Variants in PBX1 observed in about 807,000 individuals in gnomAD.
PBX1 encodes the protein PBX homeobox 1.
PBX1 carries 6 observed loss-of-function variants against 53.4 expected under a neutral mutation model. The observed-to-expected ratio is 0.11, with a 90% CI of 0.06 to 0.22. The LOEUF (loss-of-function observed/expected upper bound fraction) is 0.22, where lower values mean the gene tolerates loss of function less well. Ranked by LOEUF, PBX1 falls within the 10% of genes least tolerant of loss-of-function variation. PBX1 has a pLI of 1.00. For missense variants in PBX1, 251 were observed against 551.4 expected (o/e 0.46, Z 5.46); for synonymous variants, 204 against 212.3 (o/e 0.96, Z 0.34).
intron 2 of PBX1, among the ~76,000 whole-genome samples, chr1:164,566,128 TTA>T: frequency 1.3e-5 from 2 of 152,150 alleles, no homozygotes; most frequent in African/African-American, 2.4e-5. Flanking sequence ...CTAAGATGTA[TTA>T]CCAACCTTTT....
At chr1:164,677,931 T>C (rs1420304690) in intron 2 of PBX1, among the ~76,000 whole-genome samples, 1 of 152,180 alleles carries the variant, frequency 6.6e-6, no homozygotes, top group Non-Finnish European at 1.5e-5. Flanking sequence ...AATTCACATA[T>C]ATTTTGTTAA....
chr1:164,640,558 GT>G (rs1377884988), intron 2 of PBX1, among the ~76,000 whole-genome samples: 40 of 41,382 alleles, frequency 9.7e-4, no homozygotes, highest in African/African-American at 2.5e-3. Flanking sequence ...TTTTTTTTGT[GT>G]TTTTTTTTTT....
intron 2 of PBX1, among the ~76,000 whole-genome samples, chr1:164,693,864 C>T (rs1662646125): frequency 1.3e-5 from 2 of 152,152 alleles, no homozygotes; most frequent in Admixed American, 6.5e-5. Flanking sequence ...GCACCTTATG[C>T]CCAAGATTGC....
At chr1:164,775,407 A>G (rs1361066462) in intron 2 of PBX1, among the ~76,000 whole-genome samples, 1 of 152,176 alleles carries the variant, frequency 6.6e-6, no homozygotes, top group Non-Finnish European at 1.5e-5. Flanking sequence ...CAACAGCCAC[A>G]GATTGAAGAG....
At chr1:164,594,555 A>G (rs755130849) in intron 2 of PBX1, among the ~76,000 whole-genome samples, 15 of 152,220 alleles carry the variant, frequency 9.9e-5, no homozygotes, top group Non-Finnish European at 1.2e-4. Context: ...TGCTGGGATT[A>G]CAGGCATGAG....
intron 2 of PBX1, among the ~76,000 whole-genome samples, chr1:164,585,829 A>G (rs1398375184): frequency 2.6e-5 from 4 of 152,218 alleles, no homozygotes; most frequent in African/African-American, 9.6e-5. Flanking sequence ...CTTTACATCC[A>G]ATGTTCATGG....
chr1:164,831,043 C>A (rs1339908734), intron 8 of PBX1, among the ~76,000 whole-genome samples: 3 of 152,144 alleles, frequency 2.0e-5, no homozygotes, highest in Non-Finnish European at 1.5e-5. Context: ...ATGTTTTCAA[C>A]ATTTTATTTA....
At chr1:164,606,611 A>G (rs1222822484) in intron 2 of PBX1, among the ~76,000 whole-genome samples, 1 of 152,212 alleles carries the variant, frequency 6.6e-6, no homozygotes, top group Non-Finnish European at 1.5e-5. Flanking sequence ...ATGATATCTG[A>G]GAATCCGATG....
intron 4 of PBX1, among the ~76,000 whole-genome samples, chr1:164,807,087 T>C (rs1296299313): frequency 6.6e-6 from 1 of 152,004 alleles, no homozygotes; most frequent in African/African-American, 2.4e-5. Context: ...TGAAACCCCA[T>C]CTCTACTAAA....
At chr1:164,737,185 C>A (rs1475754475) in intron 2 of PBX1, among the ~76,000 whole-genome samples, 1 of 152,158 alleles carries the variant, frequency 6.6e-6, no homozygotes, top group Non-Finnish European at 1.5e-5. Context: ...CAAGTACAGG[C>A]CATGGACTGA....
At chr1:164,607,049 A>G (rs1656605284) in intron 2 of PBX1, among the ~76,000 whole-genome samples, 1 of 152,244 alleles carries the variant, frequency 6.6e-6, no homozygotes, top group East Asian at 1.9e-4. Flanking sequence ...AGAGCACCGC[A>G]TGGGCAAAGG....
chr1:164,696,472 C>T (rs186850224), intron 2 of PBX1, among the ~76,000 whole-genome samples: 21 of 152,236 alleles, frequency 1.4e-4, no homozygotes, highest in African/African-American at 3.9e-4. Context: ...TCATGTAACT[C>T]GGAAATAAGG....
Position 164,654,932 on chromosome 1 carries a change from G to A in PBX1, c.265+91621G>A, listed in dbSNP as rs144638137. On this transcript the variant is annotated intron_variant, in intron 2 of 8. Coordinates refer to ENST00000420696, the MANE Select transcript of PBX1 (RefSeq NM_002585.4). ...TGATGTGATCTGTATTATCACAGAG[G>A]GGAGCACAGCATGTGATGGGAATGG... Among the ~76,000 whole-genome samples the A allele has an allele frequency of 1.6e-3, 237 of 152,282 alleles. 4 individuals are homozygous for A. The East Asian group carries it at 0.026, about 17-fold the overall frequency.
intron 2 of PBX1, among the ~76,000 whole-genome samples, chr1:164,667,710 G>T (rs1376030134): frequency 1.3e-5 from 2 of 152,174 alleles, no homozygotes; most frequent in East Asian, 3.9e-4. Context: ...ATTTTGCCGA[G>T]ACAACGCATT....
At chr1:164,806,264 T>C (rs1669341369) in intron 4 of PBX1, among the ~76,000 whole-genome samples, 1 of 152,160 alleles carries the variant, frequency 6.6e-6, no homozygotes, top group Non-Finnish European at 1.5e-5. Context: ...TTAGTTCAAT[T>C]AGCACTTTTT....
intron 2 of PBX1, among the ~76,000 whole-genome samples, chr1:164,625,359 C>G (rs760663122): frequency 6.6e-6 from 1 of 152,156 alleles, no homozygotes; most frequent in Non-Finnish European, 1.5e-5. Context: ...CAATGAGGTA[C>G]ATTTGTATTT....
intron 2 of PBX1, among the ~76,000 whole-genome samples, chr1:164,730,214 C>T (rs896814837): frequency 1.6e-4 from 25 of 152,210 alleles, no homozygotes; most frequent in African/African-American, 5.5e-4. Context: ...TCCAAGAATA[C>T]AGCCATCAAC....
At chr1:164,567,016 AGT>A (rs1014564760) in intron 2 of PBX1, among the ~76,000 whole-genome samples, 3 of 151,912 alleles carry the variant, frequency 2.0e-5, no homozygotes, top group African/African-American at 2.4e-5. Flanking sequence ...ACAGAACTGT[AGT>A]GTGTGTGTGT....
At chr1:164,682,090 A>G (rs569156340) in intron 2 of PBX1, 2 of 152,390 alleles carry the variant, frequency 1.3e-5, no homozygotes, top group African/African-American at 4.8e-5. Flanking sequence ...CCATTTACAT[A>G]CAATGGTAAC....
Sources: gnomAD v4.1 joint callset for allele counts (sites outside exome capture counted in the v4.1 genomes callset) on GRCh38, gnomAD v4.1.1 for gene constraint, MANE v1.5 for transcripts, NCBI Gene and HGNC (gene_info 2026-07-23, HGNC 2026-07-21) for gene names.